Variants in ANK2 observed in about 807,000 individuals in gnomAD.
The protein encoded by ANK2 is ankyrin-2.
In ANK2, 83 loss-of-function variants were observed where a neutral mutation model predicts 360.5. The ratio of observed to expected loss-of-function variants is 0.23; its 90% CI spans 0.19 to 0.28. The LOEUF is 0.28. ANK2 is among the 10% of genes least tolerant of loss of function. ANK2 has a pLI of 1.00. For synonymous variants in ANK2, 1,740 were observed against 1,759.5 expected (o/e 0.99, Z 0.28); for missense variants, 4,201 against 4,795.7 (o/e 0.88, Z 3.66).
At chr4:113,016,271 A>T (rs1015902199) in intron 2 of ANK2, among the ~76,000 whole-genome samples, 2 of 152,106 alleles carry the variant, frequency 1.3e-5, no homozygotes, top group Non-Finnish European at 2.9e-5. Context: ...GGCCTTAGAG[A>T]GGTATATACC....
chr4:112,970,006 CG>C (rs2038884776), intron 2 of ANK2, among the ~76,000 whole-genome samples: 2 of 150,894 alleles, frequency 1.3e-5, no homozygotes, highest in South Asian at 4.2e-4. Context: ...TTTTTTGAGA[CG>C]GAGTCTCACT....
intron 1 of ANK2, among the ~76,000 whole-genome samples, chr4:112,832,836 C>T (rs1047059962): frequency 1.3e-5 from 2 of 152,182 alleles, no homozygotes; most frequent in South Asian, 2.1e-4. Context: ...CTCCAATATT[C>T]TGCTTCAGTT....
chr4:112,997,879 A>T (rs532899924), intron 2 of ANK2, among the ~76,000 whole-genome samples: 1 of 151,102 alleles, frequency 6.6e-6, no homozygotes, highest in Admixed American at 6.6e-5. Flanking sequence ...ACACACACAC[A>T]TACACATACA....
chr4:112,877,115 A>T (rs1360836996), intron 1 of ANK2, among the ~76,000 whole-genome samples: 1 of 151,964 alleles, frequency 6.6e-6, no homozygotes, highest in Non-Finnish European at 1.5e-5. Flanking sequence ...TTAGGTGTTC[A>T]CCTGGGCTCT....
rs2099390541 is a variant in ANK2 at position 113,237,250 on chromosome 4, G to T, written c.669+78G>T. The T allele has an allele frequency of 3.3e-6, 5 of 1,501,512 alleles. No individual in the cohort carries two copies. The Admixed American group carries it at 5.0e-5, about 15-fold the overall frequency. The allele number at this position is 1,501,512 out of a possible 1,614,324, so 93.0% of individuals were successfully genotyped here. ...CTCCTGGGGGATGATAAAGAAGTAG[G>T]CCATGGTGATAATGCAAAATTATTT... is the stretch of plus-strand genomic sequence containing the variant. On this transcript the variant is annotated intron_variant, in intron 6 of 45. Transcript: ENST00000357077.
At chr4:112,827,338 C>T (rs1277233722) in intron 1 of ANK2, 8 of 1,240,430 alleles carry the variant, frequency 6.4e-6, no homozygotes, top group South Asian at 1.2e-5. Flanking sequence ...CAATGAGTTA[C>T]AGCAACTGGA....
At chr4:113,258,882 C>T (rs1469165900) in intron 13 of ANK2, among the ~76,000 whole-genome samples, 4 of 152,158 alleles carry the variant, frequency 2.6e-5, no homozygotes, top group African/African-American at 9.6e-5. Flanking sequence ...GAGACTTTTA[C>T]TTCGTGTCAA....
chr4:113,271,024 T>A (rs1014432121), intron 14 of ANK2, among the ~76,000 whole-genome samples: 4 of 152,216 alleles, frequency 2.6e-5, no homozygotes, highest in African/African-American at 9.6e-5. Flanking sequence ...GTAGGGTGGC[T>A]TAGCGTCCTG....
the ANK2 span, among the ~76,000 whole-genome samples, chr4:112,710,467 G>T: frequency 2.0e-5 from 3 of 152,228 alleles, no homozygotes; most frequent in East Asian, 1.9e-4. Flanking sequence ...AGACTGAAGC[G>T]AGCGGATTGC....
At position 112,909,075 on chromosome 4, in the gene ANK2, A is replaced by G. The variant is rs539083694; in HGVS notation, c.21+4561A>G. The stretch of plus-strand genomic sequence containing the variant: ...CGACTGGAAGAAAATAGCGAAGACT[A>G]AACTTTTTAGATACTGGGGAATAGA... On this transcript the variant is annotated intron_variant, in intron 2 of 30. Transcript: ENST00000503271. Among the ~76,000 whole-genome samples the G allele has an allele frequency of 2.0e-5, 3 of 152,364 alleles. No homozygotes were observed. In the East Asian group the frequency reaches 5.8e-4, roughly 29 times the overall value.
chr4:112,782,101 T>C, the ANK2 span, among the ~76,000 whole-genome samples: 2 of 152,192 alleles, frequency 1.3e-5, no homozygotes, highest in African/African-American at 2.4e-5. Flanking sequence ...GTGCTGGAAT[T>C]ACAGGCGTGA....
At chr4:113,294,148 T>A (rs2069585337) in intron 22 of ANK2, among the ~76,000 whole-genome samples, 1 of 152,242 alleles carries the variant, frequency 6.6e-6, no homozygotes, top group South Asian at 2.1e-4. Flanking sequence ...TGACTCTTCA[T>A]GACAAATCAG....
At chr4:113,045,917 C>G (rs2064214475), upstream of ANK2, among the ~76,000 whole-genome samples, 1 of 152,120 alleles carries the variant, frequency 6.6e-6, no homozygotes, top group Non-Finnish European at 1.5e-5. Context: ...GAAAATGTTT[C>G]TTTACTGTAT....
At chr4:112,943,334 A>G (rs911698318) in intron 2 of ANK2, among the ~76,000 whole-genome samples, 1 of 151,136 alleles carries the variant, frequency 6.6e-6, no homozygotes, top group African/African-American at 2.4e-5. Flanking sequence ...CCTCCTTTCT[A>G]CCCTCCCTCC....
chr4:112,947,576 A>C (rs949701038), intron 2 of ANK2, among the ~76,000 whole-genome samples: 58 of 152,066 alleles, frequency 3.8e-4, no homozygotes, highest in Non-Finnish European at 7.4e-4. Flanking sequence ...TGCAGTTTCT[A>C]GTAACTACCC....
intron 9 of ANK2, among the ~76,000 whole-genome samples, chr4:113,248,123 A>G (rs1409027365): frequency 1.3e-5 from 2 of 152,224 alleles, no homozygotes; most frequent in African/African-American, 4.8e-5. Flanking sequence ...TGGTTATTCA[A>G]TATCTTCGTA....
At chr4:113,038,608 C>T (rs1240226718) in intron 2 of ANK2, among the ~76,000 whole-genome samples, 3 of 151,972 alleles carry the variant, frequency 2.0e-5, no homozygotes, top group Non-Finnish European at 4.4e-5. Flanking sequence ...TACCCCTCAA[C>T]AAGAGGTGGC....
chr4:113,000,051 A>AAAGGACTCAAAGAAAAGAAGTGAACCCC (rs1373215823), intron 2 of ANK2, among the ~76,000 whole-genome samples: 1 of 152,230 alleles, frequency 6.6e-6, no homozygotes, highest in Admixed American at 6.5e-5. Flanking sequence ...AGTTCACATA[A>AAAGGACTCAAAGAAAAGAAGTGAACCCC]AAGGACTCAA....
At chr4:113,018,850 C>T (rs1043605162) in intron 2 of ANK2, among the ~76,000 whole-genome samples, 4 of 152,140 alleles carry the variant, frequency 2.6e-5, no homozygotes, top group South Asian at 2.1e-4. Flanking sequence ...TCTGAAAGGT[C>T]GCTGATTCTT....
Sources: allele counts gnomAD v4.1 joint callset (sites outside exome capture counted in the v4.1 genomes callset), GRCh38; gene constraint gnomAD v4.1.1; transcripts MANE v1.5; gene names NCBI Gene and HGNC (gene_info 2026-07-23, HGNC 2026-07-21).